RBMS3: variants seen among roughly 807,000 people sequenced by gnomAD.
The protein encoded by RBMS3 is RNA binding motif single stranded interacting protein 3, also known as RNA-binding motif, single-stranded-interacting protein 3.
RBMS3 carries 27 observed loss-of-function variants against 66.8 expected under a neutral mutation model. The ratio of observed to expected loss-of-function variants is 0.40; its 90% confidence interval spans 0.30 to 0.56. RBMS3 has a LOEUF of 0.56. Among genes scored for constraint, RBMS3 ranks in the 20% least tolerant of loss-of-function variants. RBMS3 has a pLI of 0.40. For missense variants in RBMS3, 513 were observed against 549.5 expected (o/e 0.93, Z 0.66); for synonymous variants, 188 against 183.0 (o/e 1.03, Z -0.22).
At chr3:29,628,476 G>A (rs1048725923) in intron 4 of RBMS3, among the ~76,000 whole-genome samples, 2 of 152,070 alleles carry the variant, frequency 1.3e-5, no homozygotes, top group African/African-American at 2.4e-5. Flanking sequence ...GGTACTTGCC[G>A]TATCCAACTC....
chr3:29,854,970 A>G (rs2059034557), intron 6 of RBMS3, among the ~76,000 whole-genome samples: 1 of 152,200 alleles, frequency 6.6e-6, no homozygotes, highest in Non-Finnish European at 1.5e-5. Flanking sequence ...CTCCAGGAAA[A>G]TGGCCCTAAA....
chr3:29,296,108 T>G (rs2033244283), intron 1 of RBMS3, among the ~76,000 whole-genome samples: 1 of 151,792 alleles, frequency 6.6e-6, no homozygotes, highest in Admixed American at 6.6e-5. Context: ...TTTGTGACAC[T>G]ATCACAGATC....
chr3:29,738,440 A>T (rs2054475507), intron 4 of RBMS3, among the ~76,000 whole-genome samples: 1 of 152,216 alleles, frequency 6.6e-6, no homozygotes, highest in African/African-American at 2.4e-5. Flanking sequence ...TGAGACATAA[A>T]TACAACTAAG....
chr3:29,670,219 A>G (rs2050937487), intron 4 of RBMS3, among the ~76,000 whole-genome samples: 1 of 152,170 alleles, frequency 6.6e-6, no homozygotes, highest in African/African-American at 2.4e-5. Context: ...CCCCATCTAT[A>G]AATCTGACCT....
At chr3:29,821,976 A>T (rs2149476040) in intron 6 of RBMS3, among the ~76,000 whole-genome samples, 1 of 152,286 alleles carries the variant, frequency 6.6e-6, no homozygotes, top group Admixed American at 6.5e-5. Flanking sequence ...CAACTAAGTC[A>T]CTAATTCCTA....
chr3:29,319,814 G>A (rs2034903924), intron 1 of RBMS3, among the ~76,000 whole-genome samples: 1 of 151,932 alleles, frequency 6.6e-6, no homozygotes, highest in South Asian at 2.1e-4. Flanking sequence ...ACCTAGACTT[G>A]TTTCTATTAT....
At chr3:29,648,261 C>CTTTTTTTTTTTTTTTTTTTTT (rs1576434694) in intron 4 of RBMS3, among the ~76,000 whole-genome samples, 9 of 88,146 alleles carry the variant, frequency 1.0e-4, no homozygotes, top group Non-Finnish European at 1.8e-4. Flanking sequence ...TAGAAAATGT[C>CTTTTTTTTTTTTTTTTTTTTT]TATTTTTTTT....
intron 4 of RBMS3, among the ~76,000 whole-genome samples, chr3:29,662,415 A>G (rs1204876014): frequency 2.6e-5 from 4 of 152,194 alleles, no homozygotes; most frequent in African/African-American, 7.2e-5. Context: ...GCATCACCTT[A>G]TATATGTTAA....
intron 14 of RBMS3, among the ~76,000 whole-genome samples, chr3:29,999,222 T>C (rs1359416411): frequency 3.9e-5 from 6 of 151,966 alleles, no homozygotes; most frequent in Non-Finnish European, 5.9e-5. Context: ...GATATCATGT[T>C]ACACCAGTTA....
intron 8 of RBMS3, among the ~76,000 whole-genome samples, chr3:29,888,309 C>T (rs189752539): frequency 1.3e-5 from 2 of 151,704 alleles, no homozygotes; most frequent in Admixed American, 1.3e-4. Flanking sequence ...TATATTATCT[C>T]ATATTATATT....
At chr3:29,777,616 C>A (rs143988044) in intron 6 of RBMS3, among the ~76,000 whole-genome samples, 2 of 151,782 alleles carry the variant, frequency 1.3e-5, no homozygotes, top group African/African-American at 4.8e-5. Flanking sequence ...CACAAGAACC[C>A]TTTTCATTTT....
Position 29,897,529 on chromosome 3 carries a change from A to G in RBMS3, c.888+54A>G, listed in dbSNP as rs752159305. On this transcript the variant is annotated intron_variant, in intron 9 of 14. Coordinates refer to ENST00000383767, the MANE Select transcript of RBMS3 (RefSeq NM_001003793.3). ...GATATCTTTCTTGCAGTAATACAGT[A>G]TTTAGAGGCAAAAAGGACACAGTAG... is the stretch of plus-strand genomic sequence containing the variant. The G allele has an allele frequency of 7.2e-5, 108 of 1,501,060 alleles. 1 individual carries two copies. Among genetic ancestry groups the G allele is most frequent in the Non-Finnish European group, 9.5e-5 (102 of 1,079,216 alleles). 93.0% of individuals were successfully genotyped at this position (1,501,060 alleles called of 1,614,324 possible). A position where few individuals can be genotyped will look rare whatever the true frequency, so the allele number is the denominator to read the frequency against.
intron 4 of RBMS3, among the ~76,000 whole-genome samples, chr3:29,628,652 G>A (rs1014784006): frequency 2.6e-5 from 4 of 151,844 alleles, no homozygotes; most frequent in Non-Finnish European, 4.4e-5. Context: ...ATCAGTATAC[G>A]TTTCATATGT....
intron 4 of RBMS3, among the ~76,000 whole-genome samples, chr3:29,670,846 G>A (rs1352982363): frequency 1.8e-4 from 27 of 152,308 alleles, no homozygotes; most frequent in Non-Finnish European, 4.4e-5. Context: ...TGAACAAAAG[G>A]CACAGAAACT....
intron 6 of RBMS3, among the ~76,000 whole-genome samples, chr3:29,777,222 T>A (rs1017886271): frequency 6.6e-6 from 1 of 151,920 alleles, no homozygotes; most frequent in Non-Finnish European, 1.5e-5. Context: ...ATTAAATGCT[T>A]TTCTCCTATA....
intron 1 of RBMS3, among the ~76,000 whole-genome samples, chr3:29,326,676 T>G (rs1005704093): frequency 1.3e-5 from 2 of 152,064 alleles, no homozygotes; most frequent in Admixed American, 1.3e-4. Flanking sequence ...GGTATAGAGT[T>G]TTGTGATTAG....
At chr3:29,660,979 C>A (rs1384233315) in intron 4 of RBMS3, among the ~76,000 whole-genome samples, 2 of 152,166 alleles carry the variant, frequency 1.3e-5, no homozygotes, top group Admixed American at 6.5e-5. Context: ...AATCAGTGCA[C>A]GGATACCCAG....
intron 7 of RBMS3, among the ~76,000 whole-genome samples, chr3:29,874,092 G>A (rs1406776966): frequency 6.6e-6 from 1 of 152,116 alleles, no homozygotes; most frequent in Non-Finnish European, 1.5e-5. Flanking sequence ...TGCTCTTAAT[G>A]GTGCATCCAG....
At chr3:29,428,596 A>G (rs2041054908) in intron 1 of RBMS3, among the ~76,000 whole-genome samples, 1 of 151,976 alleles carries the variant, frequency 6.6e-6, no homozygotes, top group Non-Finnish European at 1.5e-5. Context: ...AAAGAAGAAA[A>G]CACAACTAAC....
Sources: allele counts gnomAD v4.1 joint callset (sites outside exome capture counted in the v4.1 genomes callset), GRCh38; gene constraint gnomAD v4.1.1; transcripts MANE v1.5; gene names NCBI Gene and HGNC (gene_info 2026-07-23, HGNC 2026-07-21).